UBN2: variants seen among roughly 807,000 people sequenced by gnomAD.
The protein encoded by UBN2 is ubinuclein 2.
Under a neutral mutation model 120.2 loss-of-function variants are expected in UBN2, and 35 were observed. The ratio of observed to expected loss-of-function variants is 0.29; its 90% CI spans 0.22 to 0.39. UBN2 has a LOEUF of 0.39. UBN2 is among the 10% of genes least tolerant of loss of function. The pLI is 1.00. For synonymous variants in UBN2, 661 were observed against 648.7 expected, an observed-to-expected ratio of 1.02 and a Z score of -0.29; for missense variants, 1,693 against 1,663.2, an observed-to-expected ratio of 1.02 and a Z score of -0.31.
intron 2 of UBN2, among the ~76,000 whole-genome samples, chr7:139,241,354 CTT>C (rs767999654): frequency 4.6e-5 from 7 of 152,190 alleles, no homozygotes; most frequent in Non-Finnish European, 8.8e-5. Flanking sequence ...AGTTAAGACT[CTT>C]TGAATCTGAA....
intron 12 of UBN2, among the ~76,000 whole-genome samples, chr7:139,278,221 G>A (rs1277009864): frequency 7.3e-6 from 1 of 137,148 alleles, no homozygotes; most frequent in Non-Finnish European, 1.5e-5. Context: ...TTGCTCTGTC[G>A]CCCAGGCTGG....
At chr7:139,322,097 C>T in the UBN2 span, among the ~76,000 whole-genome samples, 5 of 152,088 alleles carry the variant, frequency 3.3e-5, no homozygotes, top group African/African-American at 9.6e-5. Flanking sequence ...CCTCAGCCTT[C>T]GGAGTAGCTG....
downstream of UBN2, among the ~76,000 whole-genome samples, chr7:139,310,921 T>C (rs1302843417): frequency 6.6e-6 from 1 of 152,238 alleles, no homozygotes; most frequent in Non-Finnish European, 1.5e-5. Flanking sequence ...ATATCACTTA[T>C]TGATGGGTGC....
At chr7:139,280,557 G>A (rs916346726) in intron 13 of UBN2, among the ~76,000 whole-genome samples, 2 of 152,116 alleles carry the variant, frequency 1.3e-5, no homozygotes, top group African/African-American at 2.4e-5. Context: ...ATTGTGGCCA[G>A]ATGGTCATTA....
rs1026955711 is a variant in UBN2 at position 139,302,433 on chromosome 7, C to T, written c.*4597C>T. On this transcript the variant is annotated 3_prime_UTR_variant, in exon 18 of 18. Coordinates refer to ENST00000473989, the MANE Select transcript of UBN2 (RefSeq NM_173569.4). ...GGGTGCGGTGGCTCACGCCTGTAATCCCAGCTCTTTGGGAGGCTGAGGCAG... is the reference window on the plus strand; with the variant it reads ...GGGTGCGGTGGCTCACGCCTGTAATTCCAGCTCTTTGGGAGGCTGAGGCAG... 1.3e-5 allele frequency: 2 copies of T among 152,238 alleles called. No homozygotes were observed. The highest frequency in any genetic ancestry group is 2.9e-5 in the Non-Finnish European group (2 of 68,114). 9.4% of individuals were successfully genotyped at this position (152,238 alleles called of 1,614,324 possible).
At chr7:139,256,309 T>G (rs1470630988) in intron 3 of UBN2, among the ~76,000 whole-genome samples, 1 of 152,236 alleles carries the variant, frequency 6.6e-6, no homozygotes, top group Non-Finnish European at 1.5e-5. Context: ...TCTTAGCAGG[T>G]GATATATTTA....
chr7:139,262,798 G>A (rs1796979195), intron 6 of UBN2, among the ~76,000 whole-genome samples: 1 of 151,726 alleles, frequency 6.6e-6, no homozygotes, highest in Admixed American at 6.6e-5. Context: ...TTATTAAACA[G>A]CGGGATTCAC....
intron 7 of UBN2, among the ~76,000 whole-genome samples, chr7:139,267,662 A>G (rs540304837): frequency 1.3e-5 from 2 of 152,360 alleles, no homozygotes; most frequent in East Asian, 3.9e-4. Context: ...TGAGATGTGA[A>G]GAAGGGCTGA....
chr7:139,309,832 C>G (rs1409724105), downstream of UBN2, among the ~76,000 whole-genome samples: 1 of 151,602 alleles, frequency 6.6e-6, no homozygotes, highest in African/African-American at 2.4e-5. Flanking sequence ...GATCGCGCCA[C>G]TGCACTCCAT....
At position 139,307,935 on chromosome 7, in the gene UBN2, T is replaced by C. The variant is rs1798390887; in HGVS notation, c.*10099T>C. The C allele has an allele frequency of 6.6e-6, 1 of 152,056 alleles. No individual in the cohort carries two copies. The highest frequency in any genetic ancestry group is 6.5e-5 in the Admixed American group (1 of 15,268). 9.4% of individuals were successfully genotyped at this position (152,056 alleles called of 1,614,324 possible). A position where few individuals can be genotyped will look rare whatever the true frequency, so the allele number is the denominator to read the frequency against. ...ATAAAACCCTGATGAATTTTGGATA[T>C]GTGAGAGGGCATAAACATTCCTAAA... is the stretch of plus-strand genomic sequence containing the variant. On this transcript the variant is annotated 3_prime_UTR_variant, in exon 18 of 18. Transcript: ENST00000473989.
chr7:139,262,532 G>A (rs1796969088), intron 6 of UBN2, among the ~76,000 whole-genome samples: 1 of 152,116 alleles, frequency 6.6e-6, no homozygotes, highest in South Asian at 2.1e-4. Flanking sequence ...TCAATATGGT[G>A]AAACCCTGTC....
downstream of UBN2, among the ~76,000 whole-genome samples, chr7:139,309,316 G>A (rs1451510003): frequency 6.6e-6 from 1 of 152,158 alleles, no homozygotes; most frequent in Non-Finnish European, 1.5e-5. Flanking sequence ...AAGATGAAAA[G>A]AACTAAGAAG....
downstream of UBN2, among the ~76,000 whole-genome samples, chr7:139,311,242 A>G (rs1798443302): frequency 6.6e-6 from 1 of 152,226 alleles, no homozygotes; most frequent in Non-Finnish European, 1.5e-5. Flanking sequence ...TCAGGCAGGC[A>G]TACTCTGACG....
chr7:139,242,506 A>G (rs1332800422), intron 2 of UBN2, among the ~76,000 whole-genome samples: 2 of 152,234 alleles, frequency 1.3e-5, no homozygotes, highest in Non-Finnish European at 2.9e-5. Context: ...CAATAATAGT[A>G]TGATATTACA....
At chr7:139,246,758 T>C (rs1167930698) in intron 2 of UBN2, among the ~76,000 whole-genome samples, 1 of 152,172 alleles carries the variant, frequency 6.6e-6, no homozygotes, top group Non-Finnish European at 1.5e-5. Flanking sequence ...CCTGTGACTC[T>C]AGGCTTTTCT....
At position 139,251,945 on chromosome 7, in the gene UBN2, G is replaced by C; in HGVS notation, c.562-11G>C. The C allele has an allele frequency of 6.2e-7, 1 of 1,612,110 alleles. No individual in the cohort carries two copies. The highest frequency in any genetic ancestry group is 8.5e-7 in the Non-Finnish European group (1 of 1,178,154). On this transcript the variant is annotated splice_polypyrimidine_tract_variant and intron_variant, in intron 2 of 17. Transcript: ENST00000473989. ...AGTACCAAATCAGTCTAATGTATCT[G>C]TTCTTTGCAGGGTGGGAAACCCCGT... is the stretch of plus-strand genomic sequence containing the variant.
At position 139,293,378 on chromosome 7, in the gene UBN2, G is replaced by T. The variant is rs772953794; in HGVS notation, c.3816G>T (p.Glu1272Asp). ...PVTMPFQFPL[E>D]IFGFGTDTAG... is the part of the protein sequence containing the mutation. ...CCATGCCCTTCCAGTTTCCCTTGGA[G>T]ATATTTGGCTTTGGAACGGACACAG... The change falls in exon 16 of 18, where the codon GAG becomes GAT. Residue 1272 changes from glutamate to aspartate, a missense_variant. This residue lies in a region of UBN2 where 837 missense variants were observed against 817.6 expected (regional missense o/e 1.02). Transcript: ENST00000473989. 1 of 1,614,126 alleles carries T rather than the reference G, an allele frequency of 6.2e-7. No individual in the cohort carries two copies. The highest frequency in any genetic ancestry group is 1.7e-5 in the Admixed American group (1 of 60,018).
the UBN2 span, among the ~76,000 whole-genome samples, chr7:139,317,566 G>T: frequency 6.6e-6 from 1 of 151,858 alleles, no homozygotes; most frequent in African/African-American, 2.4e-5. Flanking sequence ...ACGTTCTTTG[G>T]TATTTTCCAT....
the UBN2 span, among the ~76,000 whole-genome samples, chr7:139,322,966 A>G: frequency 3.3e-4 from 51 of 152,318 alleles, no homozygotes; most frequent in Non-Finnish European, 5.7e-4. Context: ...AGTGACGAGA[A>G]GGAATCACTC....
Sources: allele counts gnomAD v4.1 joint callset (sites outside exome capture counted in the v4.1 genomes callset), GRCh38; gene constraint gnomAD v4.1.1; regional missense constraint gnomAD v4.1.1; transcripts MANE v1.5; gene names NCBI Gene and HGNC (gene_info 2026-07-23, HGNC 2026-07-21).